Variants in FLI1 observed in about 807,000 individuals in gnomAD.
FLI1 encodes the protein Fli-1 proto-oncogene, ETS transcription factor.
FLI1 carries 13 observed loss-of-function variants against 53.1 expected under a neutral mutation model. That is an observed-to-expected ratio of 0.24 (90% CI 0.16 to 0.39). The LOEUF (loss-of-function observed/expected upper bound fraction) is 0.39. Among genes scored for constraint, FLI1 ranks in the 10% least tolerant of loss-of-function variants. The pLI, the probability that FLI1 is intolerant of heterozygous loss-of-function variation, is 1.00. For missense variants in FLI1, 424 were observed against 600.5 expected (o/e 0.71, Z 3.07); for synonymous variants, 244 against 236.7 (o/e 1.03, Z -0.28).
Position 128,810,672 on chromosome 11 carries a change from T to C in FLI1, c.1043T>C (p.Met348Thr), listed in dbSNP as rs1772700414. The C allele has an allele frequency of 6.2e-7, 1 of 1,613,968 alleles. No individual in the cohort carries two copies. Among genetic ancestry groups the C allele is most frequent in the African/African-American group, 1.3e-5 (1 of 74,948 alleles). ...ALRYYYDKNI[M>T]TKVHGKRYAY... Reference sequence around the variant, plus strand: ...CGTTATTACTATGATAAAAACATTATGACCAAAGTGCACGGCAAAAGATAT... The same window carrying C: ...CGTTATTACTATGATAAAAACATTACGACCAAAGTGCACGGCAAAAGATAT... Residue 348 changes from methionine to threonine, a missense_variant, in exon 9 of 9, where the codon ATG becomes ACG. Around this residue, in one of 5 missense-constraint regions of FLI1, gnomAD observed 71 missense variants for 174.2 expected, o/e 0.41. Coordinates refer to ENST00000527786, the MANE Select transcript of FLI1 (RefSeq NM_002017.5). This position sits in a 1 kb window ranked among gnomAD's most constrained non-coding sequence, Gnocchi z 6.6.
At chr11:128,694,301 GGCGGCGGGGACCGGCCGGGGAGGCGAA>G (rs768231266) in intron 1 of FLI1, 25 bp downstream of exon 1, 1 of 1,349,306 alleles carries the variant, frequency 7.4e-7, no homozygotes, top group Non-Finnish European at 9.6e-7. Flanking sequence ...AACGGACGCG[GGCGGCGGGGACCGGCCGGGGAGGCGAA>G]GCGGCGGGCG....
intron 1 of FLI1, among the ~76,000 whole-genome samples, chr11:128,757,075 T>TCTTTCTTC (rs2135807328): frequency 7.0e-6 from 1 of 142,502 alleles, no homozygotes; most frequent in African/African-American, 2.9e-5. Flanking sequence ...TTTCTTTCTT[T>TCTTTCTTC]CTTTCTTTCT....
At chr11:128,725,060 T>C (rs1199871373) in intron 1 of FLI1, among the ~76,000 whole-genome samples, 1 of 152,182 alleles carries the variant, frequency 6.6e-6, no homozygotes, top group Non-Finnish European at 1.5e-5. Flanking sequence ...GGTGTTCTCG[T>C]AGTTTCGATA....
At chr11:128,726,770 A>G (rs909766801) in intron 1 of FLI1, among the ~76,000 whole-genome samples, 1 of 152,242 alleles carries the variant, frequency 6.6e-6, no homozygotes, top group African/African-American at 2.4e-5. Flanking sequence ...GGACAGCCAG[A>G]GGACACGGTT....
chr11:128,689,107 G>A (rs566665758), upstream of FLI1, among the ~76,000 whole-genome samples: 384 of 152,286 alleles, frequency 2.5e-3, 2 homozygotes, highest in African/African-American at 8.7e-3. Context: ...GGACAGTGAG[G>A]CACAGGGAGG....
rs1010683675 is a variant in FLI1 at position 128,777,821 on chromosome 11, T to C, written c.590-4137T>C. 2.7e-5 allele frequency among the ~76,000 whole-genome samples: 4 copies of C among 148,776 alleles called. No homozygotes were observed. The Admixed American group carries it at 2.8e-4, about 10-fold the overall frequency. On this transcript the variant is annotated intron_variant, in intron 4 of 8. Transcript: ENST00000527786. ...CACAGCGAGGCAGGAGACAAAGGCTTTGGCACTGGGACGCTTGCGCCCCCT... is the reference window on the plus strand; with the variant it reads ...CACAGCGAGGCAGGAGACAAAGGCTCTGGCACTGGGACGCTTGCGCCCCCT...
chr11:128,736,365 G>T (rs1204385591), intron 1 of FLI1, among the ~76,000 whole-genome samples: 1 of 152,212 alleles, frequency 6.6e-6, no homozygotes, highest in African/African-American at 2.4e-5. Context: ...TTTGGCGGTA[G>T]CATGAGCCCT....
chr11:128,704,146 A>G (rs564768885), intron 1 of FLI1, among the ~76,000 whole-genome samples: 65 of 152,276 alleles, frequency 4.3e-4, no homozygotes, highest in Non-Finnish European at 8.1e-4. Flanking sequence ...TTCAGCTCTC[A>G]TGTTCATTTG....
intron 1 of FLI1, among the ~76,000 whole-genome samples, chr11:128,735,088 G>A (rs574000490): frequency 6.6e-6 from 1 of 152,298 alleles, no homozygotes; most frequent in Admixed American, 6.5e-5. Flanking sequence ...AGCAAAGTGG[G>A]GGAGGGGAAT....
In FLI1 at chr11:128,812,559, G is replaced by T. The variant is rs148337526; in HGVS notation, c.*1571G>T. 1.7e-3 allele frequency: 391 copies of T among 224,958 alleles called. No individual in the cohort carries two copies. The highest frequency in any genetic ancestry group is 8.1e-3 in the African/African-American group (365 of 45,014). 13.9% of individuals were successfully genotyped at this position (224,958 alleles called of 1,614,324 possible). On this transcript the variant is annotated 3_prime_UTR_variant, in exon 9 of 9. Transcript: ENST00000527786. ...CAGCAGAAGGTAAAAAATCAGTGTG[G>T]TTTTTCATTGTTGTTGATGATGTTT...
chr11:128,723,982 G>T (rs138944599), intron 1 of FLI1, among the ~76,000 whole-genome samples: 1 of 122,572 alleles, frequency 8.2e-6, no homozygotes, highest in East Asian at 2.5e-4. Context: ...CACTCTTGTC[G>T]CTCAGGCTGG....
At chr11:128,798,754 C>T (rs1445135122) in intron 5 of FLI1, among the ~76,000 whole-genome samples, 1 of 152,148 alleles carries the variant, frequency 6.6e-6, no homozygotes, top group Non-Finnish European at 1.5e-5. Flanking sequence ...ATGTAAGACG[C>T]CGCTGAAGTG....
chr11:128,750,182 G>A lies in FLI1; in HGVS notation c.19-7933G>A, dbSNP rs186357682. 3.6e-3 allele frequency among the ~76,000 whole-genome samples: 550 copies of A among 152,342 alleles called. 3 individuals carry two copies. Among genetic ancestry groups the A allele is most frequent in the Non-Finnish European group, 4.2e-3 (285 of 68,040 alleles). ...TCCAGAGCCCTGCACTGGGAGCGGCGGAGTGGGCCCACTGAGCAGGGCAGC... is the reference window on the plus strand; with the variant it reads ...TCCAGAGCCCTGCACTGGGAGCGGCAGAGTGGGCCCACTGAGCAGGGCAGC... On this transcript the variant is annotated intron_variant, in intron 1 of 8. Coordinates refer to ENST00000527786, the MANE Select transcript of FLI1 (RefSeq NM_002017.5).
intron 1 of FLI1, among the ~76,000 whole-genome samples, chr11:128,732,268 G>T (rs906943072): frequency 3.3e-5 from 5 of 152,154 alleles, no homozygotes; most frequent in Admixed American, 3.3e-4. Context: ...TCTCATCTAG[G>T]ACATCTAAGG....
At chr11:128,807,296 C>T (rs1565511111) in intron 7 of FLI1, 57 bp downstream of exon 7, 1 of 1,220,504 alleles carries the variant, frequency 8.2e-7, no homozygotes, top group African/African-American at 1.5e-5. Flanking sequence ...GTTGATTTCA[C>T]ATGGTCAACT....
At chr11:128,722,863 G>A (rs1241358756) in intron 1 of FLI1, among the ~76,000 whole-genome samples, 1 of 152,104 alleles carries the variant, frequency 6.6e-6, no homozygotes, top group Non-Finnish European at 1.5e-5. Context: ...CCAAACAATC[G>A]GGAGGAAAAA....
intron 1 of FLI1, among the ~76,000 whole-genome samples, chr11:128,752,275 C>A (rs1940680077): frequency 6.6e-6 from 1 of 152,176 alleles, no homozygotes; most frequent in African/African-American, 2.4e-5. Context: ...CATGCCTGGC[C>A]ACATTTTTAA....
At chr11:128,761,381 A>G (rs1941115556) in intron 2 of FLI1, among the ~76,000 whole-genome samples, 1 of 152,152 alleles carries the variant, frequency 6.6e-6, no homozygotes, top group South Asian at 2.1e-4. Context: ...CCTAGTTCTT[A>G]TCACCTCCCT....
chr11:128,775,568 G>A (rs1224505530), intron 4 of FLI1, among the ~76,000 whole-genome samples: 1 of 152,212 alleles, frequency 6.6e-6, no homozygotes, highest in Non-Finnish European at 1.5e-5. Context: ...GCTGGCGATC[G>A]TGTCTGCTCT....
Sources: allele counts gnomAD v4.1 joint callset (sites outside exome capture counted in the v4.1 genomes callset), GRCh38; gene constraint gnomAD v4.1.1; regional missense constraint gnomAD v4.1.1; non-coding constraint Gnocchi (gnomAD v3.1); transcripts MANE v1.5; gene names NCBI Gene and HGNC (gene_info 2026-07-23, HGNC 2026-07-21).